The following ASTN2 variants were observed in gnomAD, a reference collection of about 807,000 sequenced individuals.
ASTN2 encodes astrotactin-2.
ASTN2 carries 54 observed loss-of-function variants against 139.8 expected under a neutral mutation model. The observed-to-expected ratio is 0.39, with a 90% CI of 0.31 to 0.48. The LOEUF (loss-of-function observed/expected upper bound fraction) is 0.48. ASTN2 is among the 20% of genes least tolerant of loss of function. The pLI, the probability that ASTN2 is intolerant of heterozygous loss-of-function variation, is 0.95. For synonymous variants in ASTN2, 756 were observed against 719.5 expected (o/e 1.05, Z -0.81); for missense variants, 1,565 against 1,725.1 (o/e 0.91, Z 1.64).
At chr9:117,260,435 G>C (rs1212465432) in intron 2 of ASTN2, among the ~76,000 whole-genome samples, 1 of 152,130 alleles carries the variant, frequency 6.6e-6, no homozygotes, top group Non-Finnish European at 1.5e-5. Flanking sequence ...GAAGCAATGT[G>C]GTTTCAGTTC....
chr9:116,587,346 T>TAAAAAA (rs1373615741), intron 19 of ASTN2, among the ~76,000 whole-genome samples: 1 of 126,216 alleles, frequency 7.9e-6, no homozygotes, highest in Non-Finnish European at 1.6e-5. Context: ...ATCTCAAATT[T>TAAAAAA]AAAAAAAAAA....
At chr9:117,255,408 T>C (rs529062345) in intron 2 of ASTN2, among the ~76,000 whole-genome samples, 2 of 152,316 alleles carry the variant, frequency 1.3e-5, no homozygotes, top group South Asian at 4.1e-4. Flanking sequence ...ACTGTTCCCT[T>C]GGGAGATTAT....
intron 3 of ASTN2, among the ~76,000 whole-genome samples, chr9:117,194,533 A>G (rs2132976223): frequency 6.6e-6 from 1 of 152,336 alleles, no homozygotes; most frequent in South Asian, 2.1e-4. Context: ...GCGCACACAC[A>G]TTCACACGTG....
intron 19 of ASTN2, among the ~76,000 whole-genome samples, chr9:116,498,960 T>G (rs1475058): frequency 0.92 from 140,793 of 152,216 alleles, 65,169 homozygotes; most frequent in Admixed American, 0.94. Flanking sequence ...GGAAAATGTA[T>G]TCCTGAGATT....
chr9:116,502,292 CACACAG>C (rs1168820183), intron 19 of ASTN2, among the ~76,000 whole-genome samples: 2 of 151,298 alleles, frequency 1.3e-5, no homozygotes, highest in Admixed American at 6.6e-5. Flanking sequence ...AGACACACAA[CACACAG>C]ACACAAAGAC....
chr9:116,625,730 G>T (rs1204644484), intron 17 of ASTN2, among the ~76,000 whole-genome samples: 2 of 152,048 alleles, frequency 1.3e-5, no homozygotes, highest in Admixed American at 1.3e-4. Context: ...ACTTCTTACA[G>T]TAGTGCATGC....
At chr9:116,558,946 T>A (rs1056380822) in intron 19 of ASTN2, among the ~76,000 whole-genome samples, 10 of 152,368 alleles carry the variant, frequency 6.6e-5, no homozygotes, top group South Asian at 2.1e-4. Context: ...TTATTGAGTG[T>A]CTACTATGAG....
chr9:117,057,386 G>T (rs1287488117), intron 5 of ASTN2, among the ~76,000 whole-genome samples: 4 of 152,160 alleles, frequency 2.6e-5, no homozygotes, highest in Non-Finnish European at 5.9e-5. Context: ...ACAGGGTAGT[G>T]GTGGTTCCCT....
intron 10 of ASTN2, among the ~76,000 whole-genome samples, chr9:116,970,741 A>C (rs1300934909): frequency 6.6e-6 from 1 of 152,128 alleles, no homozygotes; most frequent in Non-Finnish European, 1.5e-5. Flanking sequence ...GCCAGCTTGC[A>C]CTCTGATATC....
chr9:116,725,648 T>C, intron 16 of ASTN2, 123 bp downstream of exon 16: 2 of 967,152 alleles, frequency 2.1e-6, no homozygotes, highest in Non-Finnish European at 3.1e-6. Context: ...GACTTGCCCA[T>C]GGTCACACAG....
intron 16 of ASTN2, among the ~76,000 whole-genome samples, chr9:116,658,187 G>A (rs1180125902): frequency 2.0e-5 from 3 of 152,118 alleles, no homozygotes; most frequent in African/African-American, 7.2e-5. Flanking sequence ...CATGCTATCT[G>A]CTAACTCTAA....
At chr9:117,204,877 C>G (rs1831863261) in intron 3 of ASTN2, among the ~76,000 whole-genome samples, 1 of 151,228 alleles carries the variant, frequency 6.6e-6, no homozygotes, top group Non-Finnish European at 1.5e-5. Context: ...TCTGCCTTAT[C>G]TAAGTGATTT....
At chr9:116,591,759 G>C (rs1017188313) in intron 19 of ASTN2, among the ~76,000 whole-genome samples, 1 of 152,202 alleles carries the variant, frequency 6.6e-6, no homozygotes, top group African/African-American at 2.4e-5. Context: ...AACTGAATGG[G>C]AGCACAAAGT....
chr9:116,820,418 T>C (rs1831453928), intron 12 of ASTN2, among the ~76,000 whole-genome samples, 199 bp downstream of exon 12: 1 of 152,232 alleles, frequency 6.6e-6, no homozygotes, highest in Admixed American at 6.5e-5. Context: ...TTTATTTTTC[T>C]CATTTTTTTC....
intron 10 of ASTN2, among the ~76,000 whole-genome samples, chr9:116,895,183 A>G (rs1223771409): frequency 2.0e-5 from 3 of 152,204 alleles, no homozygotes; most frequent in Non-Finnish European, 2.9e-5. Context: ...TGCCGGTTCA[A>G]TGTACACACA....
At chr9:116,636,640 C>A (rs1169343557) in intron 17 of ASTN2, among the ~76,000 whole-genome samples, 2 of 151,834 alleles carry the variant, frequency 1.3e-5, no homozygotes, top group South Asian at 2.1e-4. Flanking sequence ...TGAGATTGCA[C>A]ACTCCAGCCT....
At chr9:116,860,944 A>G (rs976120431) in intron 11 of ASTN2, among the ~76,000 whole-genome samples, 1 of 152,230 alleles carries the variant, frequency 6.6e-6, no homozygotes, top group African/African-American at 2.4e-5. Context: ...GAGAGTCTAC[A>G]GAGAAATGAA....
At position 116,698,235 on chromosome 9, in the gene ASTN2, C is replaced by T. The variant is rs1378775801; in HGVS notation, c.2806+27536G>A. The stretch of plus-strand genomic sequence containing the variant: ...GCGGGAACTTATGGGGGAGCTGCAG[C>T]GGCGGAAGGCAGCCTTGGAAGGTGT... On this transcript the variant is annotated intron_variant, in intron 16 of 22. Transcript: ENST00000313400. This position sits in a 1 kb window ranked among gnomAD's most constrained non-coding sequence, Gnocchi z 4.4. The T allele has an allele frequency of 7.4e-6, 12 of 1,613,978 alleles. No homozygotes were observed. The highest frequency in any genetic ancestry group is 1.6e-4 in the Middle Eastern group (1 of 6,084).
chr9:117,166,523 G>A (rs913497693), intron 3 of ASTN2, among the ~76,000 whole-genome samples: 2 of 152,044 alleles, frequency 1.3e-5, no homozygotes, highest in African/African-American at 4.8e-5. Context: ...TTCATCACTT[G>A]CTGCTATCTA....
Sources: allele counts gnomAD v4.1 joint callset (sites outside exome capture counted in the v4.1 genomes callset), GRCh38; gene constraint gnomAD v4.1.1; non-coding constraint Gnocchi (gnomAD v3.1); transcripts MANE v1.5; gene names NCBI Gene and HGNC (gene_info 2026-07-23, HGNC 2026-07-21).